Variants in SV2C observed in about 807,000 individuals in gnomAD.
The protein encoded by SV2C is synaptic vesicle glycoprotein 2C.
SV2C carries 49 observed loss-of-function variants against 79.7 expected under a neutral mutation model. That is an observed-to-expected ratio of 0.61 (90% CI 0.49 to 0.78). The LOEUF is 0.78. Ranked by LOEUF, SV2C falls within the 30% of genes least tolerant of loss-of-function variation. The probability of loss-of-function intolerance (pLI) is 0.00; values close to 1 mark genes in which losing one functional copy is unlikely to be tolerated. For synonymous variants in SV2C, 334 were observed against 333.2 expected (o/e 1.00, Z -0.03); for missense variants, 833 against 912.9 (o/e 0.91, Z 1.13).
At chr5:76,168,847 C>T (rs1448294883) in intron 2 of SV2C, among the ~76,000 whole-genome samples, 6 of 152,180 alleles carry the variant, frequency 3.9e-5, no homozygotes, top group Non-Finnish European at 2.9e-5. Context: ...GAAATCCCTG[C>T]CCCGCTCTTG....
At chr5:75,964,959 C>A in the SV2C span, among the ~76,000 whole-genome samples, 4 of 152,180 alleles carry the variant, frequency 2.6e-5, no homozygotes, top group South Asian at 8.3e-4. Flanking sequence ...TTTAGCATCC[C>A]AATACAAACC....
the SV2C span, among the ~76,000 whole-genome samples, chr5:76,021,192 C>A: frequency 6.6e-6 from 1 of 152,144 alleles, no homozygotes; most frequent in Non-Finnish European, 1.5e-5. Context: ...AATCAGATTG[C>A]TTTTTCTGGA....
chr5:76,273,173 A>C (rs1047325053), intron 4 of SV2C, among the ~76,000 whole-genome samples: 18 of 119,448 alleles, frequency 1.5e-4, no homozygotes, highest in South Asian at 1.3e-3. Flanking sequence ...ATATATATAC[A>C]CACATATATA....
chr5:76,168,413 G>T (rs1365420804), intron 2 of SV2C, among the ~76,000 whole-genome samples: 2 of 151,478 alleles, frequency 1.3e-5, no homozygotes, highest in African/African-American at 2.4e-5. Flanking sequence ...CCTTACCTTG[G>T]ATCCAGTCAG....
At chr5:75,895,443 C>T in the SV2C span, among the ~76,000 whole-genome samples, 1 of 151,942 alleles carries the variant, frequency 6.6e-6, no homozygotes, top group African/African-American at 2.4e-5. Flanking sequence ...GAGCTGTCAC[C>T]AAATAGAGAA....
the SV2C span, among the ~76,000 whole-genome samples, chr5:75,860,959 G>A: frequency 2.0e-5 from 3 of 152,302 alleles, no homozygotes; most frequent in Admixed American, 1.3e-4. Flanking sequence ...AGATTTAAAT[G>A]TAAGACTTCA....
chr5:76,026,548 C>T, the SV2C span, among the ~76,000 whole-genome samples: 1 of 152,124 alleles, frequency 6.6e-6, no homozygotes. Context: ...ACTGCAAATA[C>T]ATAGAAATAA....
chr5:76,035,557 G>A, the SV2C span, among the ~76,000 whole-genome samples: 2 of 152,086 alleles, frequency 1.3e-5, no homozygotes, highest in African/African-American at 2.4e-5. Context: ...CAGTTGAGTG[G>A]TTTTGAGTGA....
intron 2 of SV2C, among the ~76,000 whole-genome samples, chr5:76,171,758 TG>T (rs1332747193): frequency 2.5e-5 from 2 of 80,378 alleles, no homozygotes; most frequent in African/African-American, 4.4e-5. Context: ...GGGAGGGAGG[TG>T]GGGGGGTCAG....
At chr5:75,937,879 C>CTT in the SV2C span, among the ~76,000 whole-genome samples, 75,632 of 149,838 alleles carry the variant, frequency 0.5, 19,188 homozygotes, top group East Asian at 0.63. Context: ...AGCATTATCT[C>CTT]TTTTTTTTTG....
At chr5:76,088,419 G>A (rs30200) in intron 1 of SV2C, among the ~76,000 whole-genome samples, 30,063 of 152,036 alleles carry the variant, frequency 0.2, 3,745 homozygotes, top group South Asian at 0.39. Flanking sequence ...CACAATTCTG[G>A]AGGCTGGAAA....
chr5:76,066,869 T>C, the SV2C span, among the ~76,000 whole-genome samples: 2 of 151,236 alleles, frequency 1.3e-5, no homozygotes, highest in Middle Eastern at 3.2e-3. Flanking sequence ...AGTGAACAAC[T>C]GGTATCCATA....
chr5:76,050,416 C>A, the SV2C span, among the ~76,000 whole-genome samples: 1 of 152,116 alleles, frequency 6.6e-6, no homozygotes, highest in Admixed American at 6.5e-5. Flanking sequence ...TCTAGAGGAT[C>A]TTCATTGTCA....
At chr5:76,097,978 C>A (rs939100636) in intron 1 of SV2C, among the ~76,000 whole-genome samples, 11 of 152,092 alleles carry the variant, frequency 7.2e-5, no homozygotes, top group Non-Finnish European at 2.9e-5. Flanking sequence ...CTCCTGAAAC[C>A]CAGGCAGTCC....
At chr5:75,873,422 G>A in the SV2C span, among the ~76,000 whole-genome samples, 7 of 152,056 alleles carry the variant, frequency 4.6e-5, no homozygotes, top group Non-Finnish European at 8.8e-5. Flanking sequence ...AGAAATAATT[G>A]TAATAATTTA....
rs1221399590 is a variant in SV2C, at chr5:76,325,373, C to G, written c.2010C>G (p.Gly670=). ...TCTCTTTCCTTTGCAGGGCAACAGG[C>G]TTTGGCTTCTTAAATGCGCTATGCA... is the stretch of plus-strand genomic sequence containing the variant. ...ELYPTDRRAT[G]FGFLNALCKA... Residue 670 remains glycine, a synonymous_variant, in exon 13 of 13, where the codon GGC becomes GGG. Transcript: ENST00000502798. 5 of 1,614,040 alleles carry G rather than the reference C, an allele frequency of 3.1e-6. No individual in the cohort carries two copies. In the African/African-American group the frequency reaches 4.0e-5, roughly 13 times the overall value.
In SV2C at chr5:76,243,229, CA is replaced by C. The variant is rs113502968; in HGVS notation, c.913+33350del. On this transcript the variant is annotated intron_variant, in intron 4 of 12. Transcript: ENST00000502798. The stretch of plus-strand genomic sequence containing the variant: ...CTTGCACTACAGAAATGCATGGAAT[CA>C]AAAAAAATGTATGTTTTCTAAAAAC... 8.6e-5 allele frequency among the ~76,000 whole-genome samples: 13 copies of C among 151,424 alleles called. 1 individual carries two copies. Among genetic ancestry groups the C allele is most frequent in the African/African-American group, 2.7e-4 (11 of 41,298 alleles).
intron 1 of SV2C, among the ~76,000 whole-genome samples, chr5:76,117,839 A>G (rs1490123771): frequency 2.0e-5 from 3 of 152,234 alleles, no homozygotes; most frequent in Non-Finnish European, 4.4e-5. Flanking sequence ...TAATAAACTT[A>G]CAACAAAGCA....
chr5:75,901,002 G>A, the SV2C span, among the ~76,000 whole-genome samples: 2 of 152,102 alleles, frequency 1.3e-5, no homozygotes, highest in East Asian at 1.9e-4. Context: ...TTTTTTCAAA[G>A]TTTTTAACTT....
Sources: gnomAD v4.1 joint callset for allele counts (sites outside exome capture counted in the v4.1 genomes callset) on GRCh38, gnomAD v4.1.1 for gene constraint, MANE v1.5 for transcripts, NCBI Gene and HGNC (gene_info 2026-07-23, HGNC 2026-07-21) for gene names.